FAM13C: variants seen among roughly 807,000 people sequenced by gnomAD.
FAM13C encodes protein FAM13C.
In FAM13C, 37 loss-of-function variants were observed where a neutral mutation model predicts 73.2. That is an observed-to-expected ratio of 0.51 (90% confidence interval 0.39 to 0.67). The LOEUF is 0.67. FAM13C is among the 30% of genes least tolerant of loss of function. The pLI is 0.00. For synonymous variants in FAM13C, 246 were observed against 260.9 expected (o/e 0.94, Z 0.55); for missense variants, 589 against 715.6 (o/e 0.82, Z 2.02).
chr10:59,249,206 C>T (rs188160828), intron 13 of FAM13C, among the ~76,000 whole-genome samples: 2,580 of 152,088 alleles, frequency 0.017, 35 homozygotes, highest in Middle Eastern at 0.051. Flanking sequence ...AGATTGAGAC[C>T]ATCCTGGCTA....
chr10:59,286,059 C>T (rs1845518046), intron 5 of FAM13C, among the ~76,000 whole-genome samples: 1 of 152,192 alleles, frequency 6.6e-6, no homozygotes, highest in African/African-American at 2.4e-5. Context: ...TGGTTATGCA[C>T]ATACAATGGA....
At chr10:59,329,342 G>GTTTTTTTTTTTTTTTTTTTTTTTTTTTTT (rs71006247) in intron 3 of FAM13C, among the ~76,000 whole-genome samples, 2 of 77,310 alleles carry the variant, frequency 2.6e-5, no homozygotes, top group Admixed American at 1.9e-4. Context: ...TTTCTTTCTG[G>GTTTTTTTTTTTTTTTTTTTTTTTTTTTTT]TTTTTTTTTT....
chr10:59,314,523 T>C (rs923575559), intron 4 of FAM13C, among the ~76,000 whole-genome samples: 5 of 152,250 alleles, frequency 3.3e-5, no homozygotes, highest in Admixed American at 2.0e-4. Context: ...GGATATTTCC[T>C]AGGCCCTTCC....
chr10:59,354,415 T>C (rs951198594), intron 2 of FAM13C, among the ~76,000 whole-genome samples: 6 of 152,228 alleles, frequency 3.9e-5, no homozygotes, highest in Non-Finnish European at 8.8e-5. Context: ...TTATGTAATT[T>C]ATGCCACTAC....
At chr10:59,300,194 A>C (rs769788552) in intron 5 of FAM13C, among the ~76,000 whole-genome samples, 1 of 152,246 alleles carries the variant, frequency 6.6e-6, no homozygotes, top group Non-Finnish European at 1.5e-5. Flanking sequence ...TCAGTCACAG[A>C]GCAAGTGGAC....
chr10:59,346,868 T>C (rs887812551), intron 3 of FAM13C, among the ~76,000 whole-genome samples: 13 of 152,182 alleles, frequency 8.5e-5, no homozygotes, highest in African/African-American at 3.1e-4. Flanking sequence ...AAAGGGTGTT[T>C]TCTATCTAAT....
intron 3 of FAM13C, among the ~76,000 whole-genome samples, chr10:59,348,235 C>T (rs913176072): frequency 3.3e-5 from 5 of 152,180 alleles, no homozygotes; most frequent in African/African-American, 9.7e-5. Flanking sequence ...CCATAGCACA[C>T]TCATTAGAAC....
At chr10:59,358,912 C>T (rs7903982) in intron 1 of FAM13C, among the ~76,000 whole-genome samples, 15,074 of 152,274 alleles carry the variant, frequency 0.099, 1,108 homozygotes, top group African/African-American at 0.21. Context: ...GAGCTACCTC[C>T]TGGCTTACAT....
Position 59,282,832 on chromosome 10 carries a change from G to GA in FAM13C, c.592+530dup, listed in dbSNP as rs373706560. Reference sequence around the variant, plus strand: ...GGGACTTTTTGACAAGGAAATTAATGAAAAAAAAAAATGGAAACCAAACAA... The same window carrying GA: ...GGGACTTTTTGACAAGGAAATTAATGAAAAAAAAAAAATGGAAACCAAACAA... On this transcript the variant is annotated intron_variant, in intron 6 of 13. Coordinates refer to ENST00000618804, the MANE Select transcript of FAM13C (RefSeq NM_198215.4). 2.0e-3 allele frequency: 300 copies of GA among 146,578 alleles called. 1 individual carries two copies. Among genetic ancestry groups the GA allele is most frequent in the South Asian group, 0.019 (87 of 4,622 alleles). 9.1% of individuals were successfully genotyped at this position (146,578 alleles called of 1,614,324 possible). A position where few individuals can be genotyped will look rare whatever the true frequency, so the allele number is the denominator to read the frequency against.
At chr10:59,342,538 T>G (rs967460379) in intron 3 of FAM13C, among the ~76,000 whole-genome samples, 3 of 152,178 alleles carry the variant, frequency 2.0e-5, no homozygotes, top group Non-Finnish European at 4.4e-5. Context: ...AGATAGATAA[T>G]GAATTTATGT....
At chr10:59,361,616 A>G (rs1038407114) in intron 1 of FAM13C, among the ~76,000 whole-genome samples, 1 of 150,930 alleles carries the variant, frequency 6.6e-6, no homozygotes, top group Non-Finnish European at 1.5e-5. Flanking sequence ...ATATATATAT[A>G]TGTATATATA....
intron 6 of FAM13C, among the ~76,000 whole-genome samples, chr10:59,281,560 C>A (rs1309590983): frequency 6.6e-6 from 1 of 152,156 alleles, no homozygotes; most frequent in Non-Finnish European, 1.5e-5. Context: ...AGCATGCAAC[C>A]CACAAGCCTC....
At chr10:59,282,455 G>T in intron 6 of FAM13C, 1 of 152,042 alleles carries the variant, frequency 6.6e-6, no homozygotes, top group East Asian at 1.9e-4. Flanking sequence ...GCATATAGTA[G>T]GTGTATATAT....
At chr10:59,356,502 A>G (rs1015611309) in intron 1 of FAM13C, among the ~76,000 whole-genome samples, 2 of 152,196 alleles carry the variant, frequency 1.3e-5, no homozygotes, top group Non-Finnish European at 2.9e-5. Flanking sequence ...GGGAACCAGG[A>G]GTAGGACCAT....
At chr10:59,285,062 G>C (rs1385989309) in intron 5 of FAM13C, among the ~76,000 whole-genome samples, 1 of 152,168 alleles carries the variant, frequency 6.6e-6, no homozygotes, top group Non-Finnish European at 1.5e-5. Context: ...TGCCCACCAA[G>C]GGATGTCTAA....
intron 13 of FAM13C, among the ~76,000 whole-genome samples, chr10:59,249,907 A>C (rs1308578921): frequency 1.3e-5 from 2 of 152,194 alleles, no homozygotes; most frequent in Non-Finnish European, 2.9e-5. Flanking sequence ...GACAAAAAGC[A>C]CACCAAGTGA....
At position 59,321,431 on chromosome 10, in the gene FAM13C, CCTTTTTTTTTTTT is replaced by C. The variant is rs1367306227; in HGVS notation, c.443+2544_443+2556del. Among the ~76,000 whole-genome samples, 405 of 109,848 alleles carry C rather than the reference CCTTTTTTTTTTTT, an allele frequency of 3.7e-3. 5 individuals carry two copies. Among genetic ancestry groups the C allele is most frequent in the African/African-American group, 0.013 (381 of 28,944 alleles). 72.1% of individuals were successfully genotyped at this position (109,848 alleles called of 152,430 possible). Reference sequence around the variant, plus strand: ...AGAAAGGAATGGAGCCCTGCCAACACCTTTTTTTTTTTTTTTTTTTTTTTTTTTGGCCCAGGGA... The same window carrying C: ...AGAAAGGAATGGAGCCCTGCCAACACTTTTTTTTTTTTTTTGGCCCAGGGA... On this transcript the variant is annotated intron_variant, in intron 4 of 13. Coordinates refer to ENST00000618804, the MANE Select transcript of FAM13C (RefSeq NM_198215.4).
At chr10:59,293,763 G>A (rs1212749475) in intron 5 of FAM13C, among the ~76,000 whole-genome samples, 1 of 152,172 alleles carries the variant, frequency 6.6e-6, no homozygotes, top group Non-Finnish European at 1.5e-5. Flanking sequence ...TCTGGGAAGT[G>A]AGGACAGCAA....
At chr10:59,272,875 C>G (rs969063840) in intron 6 of FAM13C, among the ~76,000 whole-genome samples, 1 of 152,110 alleles carries the variant, frequency 6.6e-6, no homozygotes, top group Non-Finnish European at 1.5e-5. Context: ...GCATCAAACC[C>G]TATATATACT....
Sources: allele counts gnomAD v4.1 joint callset (sites outside exome capture counted in the v4.1 genomes callset), GRCh38; gene constraint gnomAD v4.1.1; transcripts MANE v1.5; gene names NCBI Gene and HGNC (gene_info 2026-07-23, HGNC 2026-07-21).